STK3: variants seen among roughly 807,000 people sequenced by gnomAD.
STK3 encodes the protein serine/threonine-protein kinase 3.
A neutral mutation model predicts 58.0 loss-of-function variants in STK3; 41 were observed. The ratio of observed to expected loss-of-function variants is 0.71; its 90% CI spans 0.55 to 0.92. The LOEUF (loss-of-function observed/expected upper bound fraction) is 0.92, where lower values mean the gene tolerates loss of function less well. Among genes scored for constraint, STK3 ranks in the 40% least tolerant of loss-of-function variants. The probability of loss-of-function intolerance (pLI) is 0.00; values close to 1 mark genes in which losing one functional copy is unlikely to be tolerated. For synonymous variants in STK3, 170 were observed against 191.0 expected, an observed-to-expected ratio of 0.89 and a Z score of 0.91; for missense variants, 479 against 602.7, an observed-to-expected ratio of 0.79 and a Z score of 2.15.
chr8:98,848,430 G>A (rs1465396866), intron 3 of STK3, among the ~76,000 whole-genome samples: 1 of 151,980 alleles, frequency 6.6e-6, no homozygotes, highest in Non-Finnish European at 1.5e-5. Flanking sequence ...TGTATTTTTA[G>A]TAGAGATGGG....
chr8:98,642,166 A>C (rs1384720063), intron 6 of STK3, among the ~76,000 whole-genome samples: 2 of 152,172 alleles, frequency 1.3e-5, no homozygotes, highest in African/African-American at 4.8e-5. Context: ...GTGAGAGCTC[A>C]AACCAGTGGA....
intron 3 of STK3, among the ~76,000 whole-genome samples, chr8:98,766,380 G>A (rs1345626796): frequency 6.6e-6 from 1 of 152,126 alleles, no homozygotes; most frequent in Non-Finnish European, 1.5e-5. Context: ...TAGTAAAAGT[G>A]ATTACATAAT....
At chr8:98,905,068 T>C (rs1838836985) in intron 1 of STK3, 6 of 1,119,718 alleles carry the variant, frequency 5.4e-6, no homozygotes, top group Non-Finnish European at 8.2e-6. Flanking sequence ...GTGTAAGGCG[T>C]GTGAACTGCT....
At chr8:98,571,005 T>G (rs1483022023) in intron 8 of STK3, among the ~76,000 whole-genome samples, 1 of 152,210 alleles carries the variant, frequency 6.6e-6, no homozygotes, top group Non-Finnish European at 1.5e-5. Context: ...CCTGCTGTTC[T>G]TTTCTTTACC....
downstream of STK3, chr8:98,881,904 T>C (rs1047928116): frequency 3.3e-5 from 5 of 152,140 alleles, no homozygotes; most frequent in African/African-American, 9.7e-5. Context: ...GGCTAGAAGC[T>C]TGAGGCCAGG....
rs535049796 is a variant in STK3 at position 98,753,973 on chromosome 8, CTAGT to C, written c.237-4587_237-4584del. ...AAAACAAGCTGATCATACTGCTCTC[CTAGT>C]TAAACAAAAATACTCTAACAGCTCT... On this transcript the variant is annotated intron_variant, in intron 3 of 10. Coordinates refer to ENST00000419617, the MANE Select transcript of STK3 (RefSeq NM_006281.4). Among the ~76,000 whole-genome samples, 262 of 152,262 alleles carry C rather than the reference CTAGT, an allele frequency of 1.7e-3. 3 individuals are homozygous for C. The highest frequency in any genetic ancestry group is 3.3e-3 in the Non-Finnish European group (224 of 68,020).
upstream of STK3, among the ~76,000 whole-genome samples, chr8:98,830,456 A>T (rs975579621): frequency 6.6e-6 from 1 of 152,210 alleles, no homozygotes; most frequent in Non-Finnish European, 1.5e-5. Context: ...TACTCAATAA[A>T]GGAATTGTTT....
chr8:98,361,552 G>A, the STK3 span, among the ~76,000 whole-genome samples: 2 of 152,142 alleles, frequency 1.3e-5, no homozygotes, highest in African/African-American at 4.8e-5. Context: ...ACACCTCTGA[G>A]CATTACAATA....
intron 6 of STK3, among the ~76,000 whole-genome samples, chr8:98,645,498 C>T (rs2130645848): frequency 6.6e-6 from 1 of 152,144 alleles, no homozygotes; most frequent in South Asian, 2.1e-4. Flanking sequence ...TATTAGACAC[C>T]CTTTCTTGCT....
the STK3 span, among the ~76,000 whole-genome samples, chr8:98,346,823 A>T: frequency 5.3e-5 from 8 of 152,068 alleles, no homozygotes; most frequent in South Asian, 1.7e-3. Context: ...AGGCAGAAAA[A>T]AAAAAGATAC....
intron 3 of STK3, among the ~76,000 whole-genome samples, chr8:98,422,725 T>C (rs1315900884): frequency 1.3e-5 from 2 of 152,176 alleles, no homozygotes; most frequent in African/African-American, 2.4e-5. Flanking sequence ...GGTGGGTGTC[T>C]GCCAAACCGA....
At chr8:98,741,295 T>C (rs527451750) in intron 4 of STK3, among the ~76,000 whole-genome samples, 23 of 152,270 alleles carry the variant, frequency 1.5e-4, no homozygotes, top group African/African-American at 5.1e-4. Flanking sequence ...AATATACATT[T>C]TTTTCAGCAC....
At chr8:98,676,983 C>T (rs1823263598) in intron 6 of STK3, among the ~76,000 whole-genome samples, 1 of 152,188 alleles carries the variant, frequency 6.6e-6, no homozygotes, top group African/African-American at 2.4e-5. Context: ...GCCTTTCAAC[C>T]CACTGGCCCT....
intron 10 of STK3, among the ~76,000 whole-genome samples, chr8:98,502,732 C>T (rs1162775997): frequency 8.5e-5 from 13 of 152,138 alleles, no homozygotes; most frequent in Non-Finnish European, 4.4e-5. Flanking sequence ...GTTGAACCAG[C>T]CTTGCATCCC....
intron 1 of STK3, among the ~76,000 whole-genome samples, chr8:98,918,894 C>G (rs925304061): frequency 1.3e-5 from 2 of 151,852 alleles, no homozygotes; most frequent in African/African-American, 2.4e-5. Context: ...GAAGAGGGGT[C>G]CTGGCACCTC....
chr8:98,888,243 T>C (rs996453387), intron 1 of STK3, among the ~76,000 whole-genome samples: 1 of 152,086 alleles, frequency 6.6e-6, no homozygotes, highest in African/African-American at 2.4e-5. Context: ...CGCTTGAACC[T>C]GGGAGGCGGA....
At chr8:98,798,536 C>A (rs934043539) in intron 1 of STK3, among the ~76,000 whole-genome samples, 1 of 152,202 alleles carries the variant, frequency 6.6e-6, no homozygotes, top group African/African-American at 2.4e-5. Flanking sequence ...AAGTTACCCA[C>A]AAAGTACCTC....
chr8:98,557,898 A>G (rs748749199), intron 8 of STK3, among the ~76,000 whole-genome samples: 1 of 152,136 alleles, frequency 6.6e-6, no homozygotes, highest in Non-Finnish European at 1.5e-5. Context: ...ATTCATCAGT[A>G]TAACAAGCCT....
downstream of STK3, among the ~76,000 whole-genome samples, chr8:98,453,561 ATG>A (rs1257571395): frequency 6.6e-6 from 1 of 152,242 alleles, no homozygotes; most frequent in Admixed American, 6.5e-5. Flanking sequence ...TCTTAAATAT[ATG>A]TGTGTATTTG....
Sources: allele counts gnomAD v4.1 joint callset (sites outside exome capture counted in the v4.1 genomes callset), GRCh38; gene constraint gnomAD v4.1.1; transcripts MANE v1.5; gene names NCBI Gene and HGNC (gene_info 2026-07-23, HGNC 2026-07-21).